CBR4: variants seen among roughly 807,000 people sequenced by gnomAD.
The protein encoded by CBR4 is carbonyl reductase 4.
A neutral mutation model predicts 21.0 loss-of-function variants in CBR4; 22 were observed. That is an observed-to-expected ratio of 1.05 (90% CI 0.75 to 1.50). CBR4 has a LOEUF of 1.50. Among genes scored for constraint, CBR4 ranks in the 40% most tolerant of loss-of-function variants. CBR4 has a pLI of 0.00. For missense variants in CBR4, 302 were observed against 286.3 expected (o/e 1.05, Z -0.40); for synonymous variants, 100 against 104.4 (o/e 0.96, Z 0.26).
Position 168,990,033 on chromosome 4 carries a change from A to G in CBR4, c.*117T>C. On this transcript the variant is annotated 3_prime_UTR_variant, in exon 5 of 5. Transcript: ENST00000306193. ...TATTTTTATAAAGACAGAAATTAAC[A>G]TTTGTAGCATCAGCAGGTTTGATTA... 7.6e-7 allele frequency: 1 copy of G among 1,319,706 alleles called. No homozygotes were observed. The highest frequency in any genetic ancestry group is 2.8e-5 in the South Asian group (1 of 35,616). The allele number at this position is 1,319,706 out of a possible 1,614,324, so 81.7% of individuals were successfully genotyped here. A position where few individuals can be genotyped will look rare whatever the true frequency, so the allele number is the denominator to read the frequency against.
chr4:168,904,126 ATAT>A (rs1163334628), intron 2 of CBR4: 7 of 550,056 alleles, frequency 1.3e-5, no homozygotes, highest in Non-Finnish European at 2.3e-5. Context: ...CCTTCCACAA[ATAT>A]TATTAAGGGT....
rs1442488769 is a variant in CBR4, at chr4:168,936,829, C to T, written n.170-42064G>A. ...GTTTGACTAGTGCACCTGAAAGTGA[C>T]GGGGAGAATGGAACCAAGTTGGAAA... On this transcript the variant is annotated intron_variant and non_coding_transcript_variant, in intron 2 of 3. Transcript: ENST00000509108. Among the ~76,000 whole-genome samples, 3 of 152,100 alleles carry T rather than the reference C, an allele frequency of 2.0e-5. No individual in the cohort carries two copies. In the East Asian group the frequency reaches 5.8e-4, roughly 29 times the overall value.
intron 2 of CBR4, among the ~76,000 whole-genome samples, chr4:168,952,106 A>C (rs964516562): frequency 1.3e-5 from 2 of 152,096 alleles, no homozygotes; most frequent in African/African-American, 4.8e-5. Context: ...GGCTTTATGC[A>C]TATTTTCTTA....
At chr4:168,900,240 C>T (rs1428226378) in intron 2 of CBR4, among the ~76,000 whole-genome samples, 2 of 152,220 alleles carry the variant, frequency 1.3e-5, no homozygotes, top group Non-Finnish European at 2.9e-5. Context: ...ACCTCCAACA[C>T]TGGGAGTCCC....
chr4:168,979,871 C>A (rs1190609079), intron 2 of CBR4, among the ~76,000 whole-genome samples: 1 of 152,162 alleles, frequency 6.6e-6, no homozygotes, highest in Admixed American at 6.5e-5. Flanking sequence ...TACCCTCAGA[C>A]TGGGGAAGAA....
chr4:168,974,492 T>C (rs1764310043), intron 2 of CBR4, among the ~76,000 whole-genome samples: 1 of 152,214 alleles, frequency 6.6e-6, no homozygotes, highest in Non-Finnish European at 1.5e-5. Flanking sequence ...GATTGTTCCC[T>C]CAAATAAGTT....
chr4:168,955,082 T>C (rs906373723), intron 2 of CBR4, among the ~76,000 whole-genome samples: 1 of 152,170 alleles, frequency 6.6e-6, no homozygotes, highest in African/African-American at 2.4e-5. Flanking sequence ...AAATCCTACA[T>C]AGTTTAGCTG....
intron 2 of CBR4, among the ~76,000 whole-genome samples, chr4:168,971,382 A>C (rs1764202233): frequency 6.7e-6 from 1 of 148,210 alleles, no homozygotes; most frequent in South Asian, 2.1e-4. Flanking sequence ...AATCCTCCCA[A>C]CCTCAGCCTC....
intron 4 of CBR4, among the ~76,000 whole-genome samples, chr4:169,000,703 G>A (rs1730357939): frequency 6.6e-6 from 1 of 152,130 alleles, no homozygotes; most frequent in African/African-American, 2.4e-5. Flanking sequence ...AAAAACACTT[G>A]TGTTACTCAA....
chr4:169,005,163 A>C (rs1376506661), intron 3 of CBR4: 1 of 152,206 alleles, frequency 6.6e-6, no homozygotes, highest in Admixed American at 6.5e-5. Context: ...GAAGAAATGC[A>C]TATGGATAGA....
chr4:168,914,086 AT>A, intron 2 of CBR4: 2 of 982,330 alleles, frequency 2.0e-6, no homozygotes. Flanking sequence ...ATGTAGTACT[AT>A]TAGAATCATC....
chr4:168,990,896 T>C (rs941452481), intron 4 of CBR4, among the ~76,000 whole-genome samples: 15 of 151,532 alleles, frequency 9.9e-5, no homozygotes, highest in Non-Finnish European at 1.9e-4. Context: ...CTACTAAAAA[T>C]ACAAAAAATT....
At chr4:169,004,162 T>C (rs1403330958) in intron 3 of CBR4, among the ~76,000 whole-genome samples, 2 of 152,300 alleles carry the variant, frequency 1.3e-5, no homozygotes, top group East Asian at 1.9e-4. Flanking sequence ...TCAGCAGCCA[T>C]AAACATCAAG....
At chr4:168,982,063 A>G (rs1186898368) in intron 2 of CBR4, among the ~76,000 whole-genome samples, 1 of 152,236 alleles carries the variant, frequency 6.6e-6, no homozygotes, top group East Asian at 1.9e-4. Context: ...AATTCCACAC[A>G]TAACAATATT....
chr4:169,007,017 T>C (rs1579032202), intron 2 of CBR4, 126 bp from the exon 3 acceptor site: 1 of 676,022 alleles, frequency 1.5e-6, no homozygotes, highest in Non-Finnish European at 2.5e-6. Context: ...ATAGCTAGAA[T>C]ACCTAGAGTC....
intron 2 of CBR4, among the ~76,000 whole-genome samples, chr4:168,946,073 C>T (rs1455555262): frequency 3.3e-5 from 5 of 152,182 alleles, no homozygotes; most frequent in African/African-American, 1.2e-4. Flanking sequence ...TCATCCTCTC[C>T]TATACCTTGC....
At position 168,946,751 on chromosome 4, in the gene CBR4, A is replaced by G. The variant is rs112611940; in HGVS notation, n.170-51986T>C. ...TTGACAAATGTAACCCACATAAACA[A>G]AAGTTCTCTGTGGTCCTCAGTCATT... is the stretch of plus-strand genomic sequence containing the variant. On this transcript the variant is annotated intron_variant and non_coding_transcript_variant, in intron 2 of 3. Transcript: ENST00000509108. Among the ~76,000 whole-genome samples the G allele has an allele frequency of 9.3e-4, 142 of 152,352 alleles. 1 individual carries two copies. The highest frequency in any genetic ancestry group is 3.3e-3 in the African/African-American group (137 of 41,592).
chr4:168,909,271 C>T (rs1758420363), intron 2 of CBR4, among the ~76,000 whole-genome samples: 2 of 152,142 alleles, frequency 1.3e-5, no homozygotes, highest in South Asian at 4.1e-4. Context: ...CTGATGTTTC[C>T]TCAAACTGCA....
In CBR4 at chr4:168,939,587, C is replaced by T. The variant is rs541309601; in HGVS notation, n.170-44822G>A. Among the ~76,000 whole-genome samples the T allele has an allele frequency of 3.2e-4, 49 of 152,304 alleles. 1 individual carries two copies. The highest frequency in any genetic ancestry group is 7.2e-4 in the Admixed American group (11 of 15,306). On this transcript the variant is annotated intron_variant and non_coding_transcript_variant, in intron 2 of 3. Coordinates refer to the CBR4 transcript ENST00000509108. The stretch of plus-strand genomic sequence containing the variant: ...AAACTCTTCTTAAGCTGATAAGCAA[C>T]GTCAGCAAAGTCTCAGGATACAAAA...
Sources: gnomAD v4.1 joint callset for allele counts (sites outside exome capture counted in the v4.1 genomes callset) on GRCh38, gnomAD v4.1.1 for gene constraint, MANE v1.5 for transcripts, NCBI Gene and HGNC (gene_info 2026-07-23, HGNC 2026-07-21) for gene names.